The following RTL4 variants were observed in gnomAD, a reference collection of about 807,000 sequenced individuals.
RTL4 encodes retrotransposon Gag-like protein 4.
Under a neutral mutation model 5.3 loss-of-function variants are expected in RTL4, and 4 were observed. The observed-to-expected ratio is 0.75, with a 90% CI of 0.37 to 1.72. The LOEUF (loss-of-function observed/expected upper bound fraction) is 1.72. RTL4 is among the 40% of genes most tolerant of loss of function. RTL4 has a pLI of 0.04. For synonymous variants in RTL4, 98 were observed against 87.3 expected (o/e 1.12, Z -0.68); for missense variants, 260 against 227.1 (o/e 1.14, Z -0.93).
chrX:112,275,468 C>T, the RTL4 span, among the ~76,000 whole-genome samples: 1 of 111,714 alleles, frequency 9.0e-6, no homozygotes, highest in African/African-American at 3.3e-5. Flanking sequence ...AGAGCATCAG[C>T]AATGAAGGCA....
chrX:112,301,186 G>A, the RTL4 span, among the ~76,000 whole-genome samples: 18 of 111,891 alleles, frequency 1.6e-4, no homozygotes, highest in Admixed American at 1.5e-3. Context: ...TTGTCAGCTA[G>A]TTACCAAAGT....
At chrX:112,433,047 T>C in the RTL4 span, among the ~76,000 whole-genome samples, 2 of 107,873 alleles carry the variant, frequency 1.9e-5, no homozygotes, top group Non-Finnish European at 3.8e-5. Context: ...GTTGTAGATA[T>C]GCGGCATTAT....
chrX:112,397,455 G>A, the RTL4 span, among the ~76,000 whole-genome samples: 1 of 110,448 alleles, frequency 9.1e-6, no homozygotes, highest in Non-Finnish European at 1.9e-5. Context: ...AATTTATTTG[G>A]AATTCTGTAT....
At chrX:112,414,505 A>C in the RTL4 span, among the ~76,000 whole-genome samples, 24 of 111,421 alleles carry the variant, frequency 2.2e-4, no homozygotes, top group African/African-American at 5.2e-4. Context: ...TATAAGAAGA[A>C]AATTGTGATC....
the RTL4 span, among the ~76,000 whole-genome samples, chrX:112,184,424 G>A: frequency 8.9e-6 from 1 of 111,894 alleles, no homozygotes; most frequent in Non-Finnish European, 1.9e-5. Flanking sequence ...ACATTGAACA[G>A]GACAAGTATT....
the RTL4 span, among the ~76,000 whole-genome samples, chrX:112,188,944 G>A: frequency 9.0e-6 from 1 of 111,050 alleles, no homozygotes; most frequent in African/African-American, 3.3e-5. Context: ...TTAGAGCCAG[G>A]ACTAGAGCCC....
At chrX:112,105,860 C>T in the RTL4 span, among the ~76,000 whole-genome samples, 32 of 111,411 alleles carry the variant, frequency 2.9e-4, no homozygotes, top group Admixed American at 1.2e-3. Flanking sequence ...CCAACTCATA[C>T]GTCTTTTTAT....
the RTL4 span, among the ~76,000 whole-genome samples, chrX:112,212,596 G>A: frequency 9.0e-6 from 1 of 111,677 alleles, no homozygotes; most frequent in East Asian, 2.8e-4. Flanking sequence ...TGACACAAAG[G>A]CTGGGATTTT....
the RTL4 span, among the ~76,000 whole-genome samples, chrX:112,361,641 T>C: frequency 2.8e-4 from 31 of 110,786 alleles, no homozygotes; most frequent in Non-Finnish European, 4.7e-4. Context: ...ATCTTTTCTA[T>C]CCGAGGGAGA....
exon 1 of RTL4, chrX:112,455,592 C>A: frequency 5.0e-6 from 6 of 1,211,791 alleles, no homozygotes; most frequent in Non-Finnish European, 6.7e-6. Context: ...AATCTGGTCA[C>A]TTCACAAGAG....
At chrX:112,453,032 CA>C (rs10680168), upstream of RTL4, among the ~76,000 whole-genome samples, 41 of 95,946 alleles carry the variant, frequency 4.3e-4, no homozygotes, top group Non-Finnish European at 4.0e-4. Context: ...GACTCTGTCT[CA>C]AAAAAAAAAA....
At chrX:112,309,521 C>T in the RTL4 span, among the ~76,000 whole-genome samples, 1 of 109,785 alleles carries the variant, frequency 9.1e-6, no homozygotes, top group Admixed American at 9.8e-5. Context: ...CAGGATCTCA[C>T]TTCGTTTACC....
chrX:112,094,565 T>C, the RTL4 span, among the ~76,000 whole-genome samples: 1 of 110,325 alleles, frequency 9.1e-6, no homozygotes, highest in African/African-American at 3.3e-5. Flanking sequence ...GGAGAGAGAA[T>C]AAATAGAAGA....
At chrX:112,271,223 A>G in the RTL4 span, among the ~76,000 whole-genome samples, 2,122 of 112,757 alleles carry the variant, frequency 0.019, 37 homozygotes, top group African/African-American at 0.063. Context: ...GGATCAAGCA[A>G]TTCATATATA....
chrX:112,339,674 T>C, the RTL4 span, among the ~76,000 whole-genome samples: 2 of 112,667 alleles, frequency 1.8e-5, no homozygotes, highest in Non-Finnish European at 3.7e-5. Flanking sequence ...TAACAGTGTA[T>C]AATAGCTGAA....
chrX:112,310,292 A>G, the RTL4 span, among the ~76,000 whole-genome samples: 25 of 82,598 alleles, frequency 3.0e-4, no homozygotes, highest in East Asian at 9.7e-3. Context: ...CTGCCACTTG[A>G]GACAGCAAGA....
the RTL4 span, among the ~76,000 whole-genome samples, chrX:112,142,158 A>G: frequency 1.8e-5 from 2 of 112,453 alleles, no homozygotes; most frequent in East Asian, 5.6e-4. Flanking sequence ...CAATAGAACT[A>G]CCAAAGAGAA....
At chrX:112,311,488 C>T in the RTL4 span, among the ~76,000 whole-genome samples, 4 of 110,478 alleles carry the variant, frequency 3.6e-5, no homozygotes, top group African/African-American at 1.3e-4. Context: ...GCAGTAACCT[C>T]GTTTAAATTT....
the RTL4 span, among the ~76,000 whole-genome samples, chrX:112,398,304 A>G: frequency 1.8e-5 from 2 of 109,923 alleles, no homozygotes; most frequent in East Asian, 2.8e-4. Flanking sequence ...TGCTTTCTAA[A>G]TGTTTGTTGT....
Sources: gnomAD v4.1 joint callset for allele counts (sites outside exome capture counted in the v4.1 genomes callset) on GRCh38, gnomAD v4.1.1 for gene constraint, MANE v1.5 for transcripts, NCBI Gene and HGNC (gene_info 2026-07-23, HGNC 2026-07-21) for gene names.